KIAA1328: variants seen among roughly 807,000 people sequenced by gnomAD.
KIAA1328 encodes the protein protein hinderin.
In KIAA1328, 52 loss-of-function variants were observed where a neutral mutation model predicts 68.1. The ratio of observed to expected loss-of-function variants is 0.76; its 90% confidence interval spans 0.61 to 0.96. The LOEUF (loss-of-function observed/expected upper bound fraction) is 0.96, where lower values mean the gene tolerates loss of function less well. Among genes scored for constraint, KIAA1328 ranks in the 40% least tolerant of loss-of-function variants. The pLI, the probability that KIAA1328 is intolerant of heterozygous loss-of-function variation, is 0.00. For synonymous variants in KIAA1328, 232 were observed against 239.4 expected (o/e 0.97, Z 0.28); for missense variants, 641 against 677.6 (o/e 0.95, Z 0.60).
intron 6 of KIAA1328, among the ~76,000 whole-genome samples, chr18:36,966,290 A>G (rs1407814741): frequency 2.0e-5 from 3 of 152,216 alleles, no homozygotes; most frequent in Non-Finnish European, 4.4e-5. Context: ...AAGGAAAATG[A>G]CATAAGGCAG....
At chr18:37,101,788 A>G (rs926721426) in intron 7 of KIAA1328, among the ~76,000 whole-genome samples, 26 of 152,240 alleles carry the variant, frequency 1.7e-4, no homozygotes, top group Non-Finnish European at 2.9e-5. Context: ...TTACCCACAA[A>G]GGGAAACCCA....
intron 6 of KIAA1328, among the ~76,000 whole-genome samples, chr18:36,983,732 C>T (rs1310171241): frequency 6.6e-6 from 1 of 151,960 alleles, no homozygotes; most frequent in African/African-American, 2.4e-5. Flanking sequence ...TAAAGTCTTC[C>T]AGAAAATTAT....
intron 4 of KIAA1328, among the ~76,000 whole-genome samples, chr18:36,880,102 G>A (rs1003659177): frequency 6.6e-5 from 10 of 152,182 alleles, no homozygotes; most frequent in African/African-American, 1.9e-4. Flanking sequence ...AGCTAGCTTG[G>A]TGTCTGCTCA....
At chr18:37,210,649 A>G (rs2060299235) in intron 9 of KIAA1328, among the ~76,000 whole-genome samples, 1 of 152,200 alleles carries the variant, frequency 6.6e-6, no homozygotes, top group South Asian at 2.1e-4. Flanking sequence ...CTCCTATCAC[A>G]TGTCTCCTTA....
At chr18:37,005,208 T>G (rs993650362) in intron 6 of KIAA1328, among the ~76,000 whole-genome samples, 1 of 151,946 alleles carries the variant, frequency 6.6e-6, no homozygotes, top group African/African-American at 2.4e-5. Flanking sequence ...GTAACCAAAT[T>G]ACCCCTGTTT....
At chr18:36,955,795 T>G (rs2051389150) in intron 5 of KIAA1328, 1 of 151,940 alleles carries the variant, frequency 6.6e-6, no homozygotes, top group Non-Finnish European at 1.5e-5. Context: ...TTTAATGATT[T>G]ACCTTTTGTC....
In KIAA1328 at chr18:36,835,480, A is replaced by G. The variant is rs370024025; in HGVS notation, c.237+104A>G. On this transcript the variant is annotated intron_variant, in intron 3 of 9. Transcript: ENST00000280020. ...TGAAAGTATACTAGGTGATCAACAAACATTCTTAAAAGATACAGAGGATTC... is the reference window on the plus strand; with the variant it reads ...TGAAAGTATACTAGGTGATCAACAAGCATTCTTAAAAGATACAGAGGATTC... 4.6e-6 allele frequency: 5 copies of G among 1,082,764 alleles called. No individual in the cohort carries two copies. In the African/African-American group the frequency reaches 6.4e-5, roughly 14 times the overall value. 67.1% of individuals were successfully genotyped at this position (1,082,764 alleles called of 1,614,324 possible).
chr18:36,997,366 T>C (rs2053430645), intron 6 of KIAA1328, among the ~76,000 whole-genome samples: 1 of 152,180 alleles, frequency 6.6e-6, no homozygotes, highest in Admixed American at 6.5e-5. Context: ...CTTCTATGAT[T>C]TTCGTAAAAG....
At chr18:37,198,214 C>T (rs1439039382) in intron 9 of KIAA1328, among the ~76,000 whole-genome samples, 1 of 151,952 alleles carries the variant, frequency 6.6e-6, no homozygotes, top group African/African-American at 2.4e-5. Context: ...ATGGGTACAA[C>T]GTGTCTTTTT....
chr18:37,037,414 C>A (rs2055069873), intron 6 of KIAA1328, among the ~76,000 whole-genome samples: 1 of 152,202 alleles, frequency 6.6e-6, no homozygotes, highest in East Asian at 1.9e-4. Context: ...TTTTTATTGT[C>A]TTTATACCAC....
intron 5 of KIAA1328, among the ~76,000 whole-genome samples, chr18:36,940,681 T>C (rs896792193): frequency 6.7e-6 from 1 of 149,606 alleles, no homozygotes; most frequent in Admixed American, 6.6e-5. Flanking sequence ...TTACTTTTTT[T>C]TTTTTTTTTT....
chr18:36,877,659 G>A (rs2048178648), intron 4 of KIAA1328, among the ~76,000 whole-genome samples: 1 of 143,566 alleles, frequency 7.0e-6, no homozygotes, highest in Non-Finnish European at 1.5e-5. Context: ...TTGCCAGTCT[G>A]TGTCTTTTTT....
intron 6 of KIAA1328, among the ~76,000 whole-genome samples, chr18:36,970,828 A>G (rs770527568): frequency 5.3e-5 from 8 of 152,238 alleles, no homozygotes; most frequent in Non-Finnish European, 1.2e-4. Flanking sequence ...AAAACATTCC[A>G]TACTCATGGA....
intron 6 of KIAA1328, among the ~76,000 whole-genome samples, chr18:37,057,867 G>T (rs1355950030): frequency 6.6e-6 from 1 of 152,104 alleles, no homozygotes; most frequent in Non-Finnish European, 1.5e-5. Context: ...AGGATCTCAT[G>T]GCCTGCAAAG....
intron 7 of KIAA1328, among the ~76,000 whole-genome samples, chr18:37,071,742 T>C (rs2056541816): frequency 6.6e-6 from 1 of 152,150 alleles, no homozygotes; most frequent in African/African-American, 2.4e-5. Flanking sequence ...TTTGAATAGA[T>C]TTGTTTTATT....
At chr18:36,958,973 A>G (rs2051540086) in intron 5 of KIAA1328, among the ~76,000 whole-genome samples, 1 of 152,060 alleles carries the variant, frequency 6.6e-6, no homozygotes, top group African/African-American at 2.4e-5. Flanking sequence ...GTTTAGATCA[A>G]TGATGCATTT....
chr18:36,839,535 A>G (rs1568060812), intron 3 of KIAA1328, among the ~76,000 whole-genome samples: 1 of 152,206 alleles, frequency 6.6e-6, no homozygotes, highest in African/African-American at 2.4e-5. Context: ...CATCCAAGTC[A>G]TTTGTGGATA....
intron 8 of KIAA1328, among the ~76,000 whole-genome samples, chr18:37,167,929 T>C (rs2059423214): frequency 6.6e-6 from 1 of 151,436 alleles, no homozygotes; most frequent in African/African-American, 2.4e-5. Flanking sequence ...AAGCAAACTA[T>C]AGACCAGTAT....
At chr18:37,166,247 A>G (rs2059387015) in intron 8 of KIAA1328, among the ~76,000 whole-genome samples, 1 of 152,118 alleles carries the variant, frequency 6.6e-6, no homozygotes, top group Admixed American at 6.5e-5. Flanking sequence ...TTACAGAAAC[A>G]AAACCAATTC....
Sources: gnomAD v4.1 joint callset for allele counts (sites outside exome capture counted in the v4.1 genomes callset) on GRCh38, gnomAD v4.1.1 for gene constraint, MANE v1.5 for transcripts, NCBI Gene and HGNC (gene_info 2026-07-23, HGNC 2026-07-21) for gene names.